WNT8A: variants seen among roughly 807,000 people sequenced by gnomAD.
WNT8A encodes the protein protein Wnt-8a.
In WNT8A, 14 loss-of-function variants were observed where a neutral mutation model predicts 20.5. That is an observed-to-expected ratio of 0.68 (90% CI 0.45 to 1.07). The LOEUF is 1.07. Ranked by LOEUF, WNT8A falls within the 50% of genes least tolerant of loss-of-function variation. The probability of loss-of-function intolerance (pLI) is 0.00; values close to 1 mark genes in which losing one functional copy is unlikely to be tolerated. For synonymous variants in WNT8A, 167 were observed against 169.2 expected (o/e 0.99, Z 0.10); for missense variants, 397 against 462.9 (o/e 0.86, Z 1.31).
chr5:138,088,055 C>A, intron 3 of WNT8A, 124 bp downstream of exon 3: 1 of 1,399,642 alleles, frequency 7.1e-7, no homozygotes, highest in Non-Finnish European at 9.6e-7. Flanking sequence ...TCCAGCAACT[C>A]CTTCAATTGT....
At chr5:138,080,191 C>G (rs1346107914), upstream of WNT8A, among the ~76,000 whole-genome samples, 1 of 151,730 alleles carries the variant, frequency 6.6e-6, no homozygotes, top group Non-Finnish European at 1.5e-5. Flanking sequence ...AGCGTGGAGG[C>G]GAGCACCTGT....
chr5:138,081,485 A>G (rs185956096), upstream of WNT8A, among the ~76,000 whole-genome samples: 2 of 152,196 alleles, frequency 1.3e-5, no homozygotes, highest in Admixed American at 1.3e-4. Context: ...GCTATCACTA[A>G]CCCAGTTCTG....
chr5:138,080,459 T>TGTTTTTTG (rs1561572136), upstream of WNT8A, among the ~76,000 whole-genome samples: 1 of 126,874 alleles, frequency 7.9e-6, no homozygotes, highest in Non-Finnish European at 1.7e-5. Context: ...TTTTTTTTTT[T>TGTTTTTTG]TTTTTTTTTG....
chr5:138,086,762 C>T (rs777242019), intron 2 of WNT8A, among the ~76,000 whole-genome samples: 2 of 150,744 alleles, frequency 1.3e-5, no homozygotes, highest in African/African-American at 2.4e-5. Flanking sequence ...AGGCCAGGTG[C>T]GGTGGCTCAT....
intron 3 of WNT8A, 90 bp downstream of exon 3, chr5:138,088,021 C>T: frequency 6.4e-7 from 1 of 1,556,658 alleles, no homozygotes; most frequent in Non-Finnish European, 8.7e-7. Context: ...GGCTGAGGGA[C>T]ACAGCTCCCT....
chr5:138,081,377 G>A (rs930576713), upstream of WNT8A, among the ~76,000 whole-genome samples: 1 of 151,974 alleles, frequency 6.6e-6, no homozygotes, highest in East Asian at 1.9e-4. Context: ...CAGGTGCAGC[G>A]GAGAACACAG....
chr5:138,080,610 T>C (rs1750487381), upstream of WNT8A, among the ~76,000 whole-genome samples: 1 of 150,718 alleles, frequency 6.6e-6, no homozygotes, highest in African/African-American at 2.4e-5. Context: ...GCCCTGGACT[T>C]TTTTTTTAGA....
At position 138,084,093 on chromosome 5, in the gene WNT8A, G is replaced by A. The variant is rs1382929541; in HGVS notation, c.-35G>A. ...GTCCACTGGGGTAGGCAGGGCGATG[G>A]GGAACCTGTTTATGCTCTGGGCAGC... is the stretch of plus-strand genomic sequence containing the variant. On this transcript the variant is annotated 5_prime_UTR_variant, in exon 1 of 5. Coordinates refer to ENST00000506684, the MANE Select transcript of WNT8A (RefSeq NM_001300939.2). 1.9e-6 allele frequency: 3 copies of A among 1,612,862 alleles called. No homozygotes were observed. Among genetic ancestry groups the A allele is most frequent in the East Asian group, 2.2e-5 (1 of 44,824 alleles).
upstream of WNT8A, among the ~76,000 whole-genome samples, chr5:138,080,454 T>TTTTTTTTTTTTTTTTTTTTTTTTG (rs1750480375): frequency 1.0e-5 from 1 of 97,160 alleles, no homozygotes; most frequent in Admixed American, 1.0e-4. Context: ...GTTTTTTTTT[T>TTTTTTTTTTTTTTTTTTTTTTTTG]TTTTTTTTTT....
At chr5:138,082,304 T>G (rs1408404859), upstream of WNT8A, among the ~76,000 whole-genome samples, 2 of 152,138 alleles carry the variant, frequency 1.3e-5, no homozygotes. Flanking sequence ...CCTGGCTGGG[T>G]GCGGTGGCTC....
downstream of WNT8A, chr5:138,091,664 C>A: frequency 2.0e-6 from 1 of 501,068 alleles, no homozygotes; most frequent in South Asian, 2.0e-5. Flanking sequence ...CATCTCTACA[C>A]AAAATTTAAA....
downstream of WNT8A, chr5:138,091,602 G>A: frequency 1.1e-6 from 1 of 877,146 alleles, no homozygotes; most frequent in South Asian, 1.6e-5. Context: ...TATCCCCCAA[G>A]TATGCACTTT....
At chr5:138,087,649 CAAAA>C (rs66902804) in intron 2 of WNT8A, among the ~76,000 whole-genome samples, 153 bp from the exon 3 acceptor site, 40 of 70,234 alleles carry the variant, frequency 5.7e-4, no homozygotes, top group African/African-American at 2.2e-3. Context: ...GAGCGAGTCT[CAAAA>C]AAAAAAAAAA....
At chr5:138,088,700 C>T (rs1433190929) in intron 3 of WNT8A, among the ~76,000 whole-genome samples, 1 of 152,114 alleles carries the variant, frequency 6.6e-6, no homozygotes, top group African/African-American at 2.4e-5. Flanking sequence ...CCCCAGTGTA[C>T]CTACTTTTAC....
upstream of WNT8A, chr5:138,083,983 G>A: frequency 1.9e-6 from 2 of 1,076,598 alleles, no homozygotes; most frequent in Non-Finnish European, 2.7e-6. Flanking sequence ...TTCCTCCCTT[G>A]GACATTCAGA....
rs1750593163 is a variant in WNT8A, at chr5:138,084,441, C to G, written c.157-57C>G. 10 of 1,556,818 alleles carry G rather than the reference C, an allele frequency of 6.4e-6. No homozygotes were observed. In the East Asian group the frequency reaches 2.3e-4, roughly 35 times the overall value. The stretch of plus-strand genomic sequence containing the variant: ...GGCCCATCTGAGTCCTGCCTGCTCC[C>G]CCAACCACAGATGACCCATACCGGG... On this transcript the variant is annotated intron_variant, in intron 1 of 4. Transcript: ENST00000506684.
At chr5:138,087,649 CAAAAA>C (rs66902804) in intron 2 of WNT8A, among the ~76,000 whole-genome samples, 152 bp from the exon 3 acceptor site, 61 of 70,238 alleles carry the variant, frequency 8.7e-4, no homozygotes, top group African/African-American at 3.1e-3. Context: ...GAGCGAGTCT[CAAAAA>C]AAAAAAAAAA....
Position 138,087,859 on chromosome 5 carries a change from A to C in WNT8A, c.349A>C (p.Ile117Leu), listed in dbSNP as rs768106294. The change falls in exon 3 of 5, where the codon ATC (isoleucine) becomes CTC (leucine). Residue 117 changes from isoleucine to leucine, a missense_variant. Ile to Leu is a conservative substitution (Grantham distance 5). Transcript: ENST00000506684. ...HAISSAGVMYIITKNCSMGDF... is the reference protein window; with the variant it reads ...HAISSAGVMYLITKNCSMGDF... ...TATCAGCTCTGCTGGAGTCATGTACATCATCACCAAGAACTGTAGCATGGG... is the reference window on the plus strand; with the variant it reads ...TATCAGCTCTGCTGGAGTCATGTACCTCATCACCAAGAACTGTAGCATGGG... 2 of 1,614,092 alleles carry C rather than the reference A, an allele frequency of 1.2e-6. No individual in the cohort carries two copies. The highest frequency in any genetic ancestry group is 4.5e-5 in the East Asian group (2 of 44,872).
Position 138,089,072 on chromosome 5 carries a change from G to A in WNT8A, c.564+3G>A. 1 of 1,612,530 alleles carries A rather than the reference G, an allele frequency of 6.2e-7. No individual in the cohort carries two copies. The highest frequency in any genetic ancestry group is 1.1e-5 in the South Asian group (1 of 90,864). ...ACAACAACAGGGCCGGCAGACTGGT[G>A]GGTATAGGCATTGTGGCCAGTATTT... On this transcript the variant is annotated splice_donor_region_variant and intron_variant, in intron 4 of 4. Coordinates refer to ENST00000506684, the MANE Select transcript of WNT8A (RefSeq NM_001300939.2).
Sources: allele counts gnomAD v4.1 joint callset (sites outside exome capture counted in the v4.1 genomes callset), GRCh38; gene constraint gnomAD v4.1.1; transcripts MANE v1.5; gene names NCBI Gene and HGNC (gene_info 2026-07-23, HGNC 2026-07-21).